The following ERC2 variants were observed in gnomAD, a reference collection of about 807,000 sequenced individuals.
ERC2 encodes ELKS/RAB6-interacting/CAST family member 2, also known as ERC protein 2.
ERC2 carries 42 observed loss-of-function variants against 114.8 expected under a neutral mutation model. The ratio of observed to expected loss-of-function variants is 0.37; its 90% CI spans 0.29 to 0.47. The LOEUF is 0.47. ERC2 is among the 20% of genes least tolerant of loss of function. The pLI, the probability that ERC2 is intolerant of heterozygous loss-of-function variation, is 0.99. For synonymous variants in ERC2, 454 were observed against 425.5 expected, an observed-to-expected ratio of 1.07 and a Z score of -0.82; for missense variants, 939 against 1,150.7, an observed-to-expected ratio of 0.82 and a Z score of 2.66.
chr3:55,521,601 A>G (rs2052941721), intron 17 of ERC2, among the ~76,000 whole-genome samples: 1 of 152,226 alleles, frequency 6.6e-6, no homozygotes, highest in African/African-American at 2.4e-5. Flanking sequence ...GACTGGCAAA[A>G]GAAGGGGGTA....
chr3:55,820,045 G>T (rs1224517069), intron 14 of ERC2, among the ~76,000 whole-genome samples: 2 of 152,332 alleles, frequency 1.3e-5, no homozygotes, highest in East Asian at 1.9e-4. Flanking sequence ...TCCTAAAGGG[G>T]TCTAGCAGAA....
rs1459398919 is a variant in ERC2, at chr3:56,216,305, G to C, written c.1075-42785C>G. ...AATAGATGCAATAAAAAATGATAAA[G>C]GGGATATCACCACCGATCCCACAGA... On this transcript the variant is annotated intron_variant, in intron 3 of 17. Coordinates refer to ENST00000288221, the MANE Select transcript of ERC2 (RefSeq NM_015576.3). 4.6e-5 allele frequency among the ~76,000 whole-genome samples: 7 copies of C among 152,224 alleles called. No individual in the cohort carries two copies. The South Asian group carries it at 1.2e-3, about 27-fold the overall frequency.
intron 6 of ERC2, among the ~76,000 whole-genome samples, chr3:56,084,617 A>C (rs1468290737): frequency 2.0e-5 from 3 of 152,066 alleles, no homozygotes; most frequent in African/African-American, 7.2e-5. Context: ...AAAACCAAAT[A>C]CTGCATGTTC....
chr3:55,779,073 A>G (rs867630626), intron 14 of ERC2, among the ~76,000 whole-genome samples: 7 of 138,662 alleles, frequency 5.0e-5, no homozygotes, highest in Non-Finnish European at 9.5e-5. Flanking sequence ...CCAGGAAATA[A>G]AAAAAAAATG....
At position 56,322,637 on chromosome 3, in the gene ERC2, C is replaced by T. The variant is rs141657893; in HGVS notation, c.658-26202G>A. ...GAACAGTGATTCCTGAGATGTAGAA[C>T]GAGGTGAGCATTATAACTGTCCCAG... On this transcript the variant is annotated intron_variant, in intron 2 of 17. Coordinates refer to ENST00000288221, the MANE Select transcript of ERC2 (RefSeq NM_015576.3). Among the ~76,000 whole-genome samples, 334 of 152,246 alleles carry T rather than the reference C, an allele frequency of 2.2e-3. 1 individual carries two copies. The highest frequency in any genetic ancestry group is 3.7e-3 in the Non-Finnish European group (249 of 68,010).
chr3:56,256,095 T>C (rs1451391842), intron 3 of ERC2, among the ~76,000 whole-genome samples: 1 of 152,202 alleles, frequency 6.6e-6, no homozygotes, highest in Non-Finnish European at 1.5e-5. Flanking sequence ...CAAACGTAAC[T>C]TGGTGTTCAG....
intron 13 of ERC2, among the ~76,000 whole-genome samples, chr3:55,898,974 T>C (rs1445074615): frequency 6.6e-6 from 1 of 152,218 alleles, no homozygotes; most frequent in African/African-American, 2.4e-5. Flanking sequence ...GCCCAATATG[T>C]ATGCCACTAA....
chr3:56,044,567 G>T (rs2075366619), intron 7 of ERC2, among the ~76,000 whole-genome samples: 1 of 151,960 alleles, frequency 6.6e-6, no homozygotes, highest in African/African-American at 2.4e-5. Flanking sequence ...GAAAATTGTA[G>T]CACTTCAGTA....
intron 12 of ERC2, among the ~76,000 whole-genome samples, chr3:55,965,313 T>C (rs76116330): frequency 0.033 from 5,036 of 152,314 alleles, 161 homozygotes; most frequent in Middle Eastern, 0.082. Context: ...CATGTGACTA[T>C]TGGACATTTA....
intron 14 of ERC2, among the ~76,000 whole-genome samples, chr3:55,862,784 C>T (rs1202553993): frequency 6.6e-6 from 1 of 152,196 alleles, no homozygotes. Flanking sequence ...AGCAGACCCA[C>T]CACATGCAGC....
chr3:55,700,837 C>T (rs1405267191), intron 15 of ERC2, among the ~76,000 whole-genome samples: 1 of 152,132 alleles, frequency 6.6e-6, no homozygotes, highest in Non-Finnish European at 1.5e-5. Context: ...TCTGCCTCTC[C>T]CTAGAATCTC....
intron 8 of ERC2, among the ~76,000 whole-genome samples, chr3:56,011,355 T>C (rs185749029): frequency 2.0e-4 from 31 of 152,210 alleles, no homozygotes; most frequent in Non-Finnish European, 2.9e-4. Context: ...CCAGTGCTCT[T>C]GGTGACGGTG....
At chr3:55,918,154 G>C (rs1424581683) in intron 13 of ERC2, among the ~76,000 whole-genome samples, 1 of 151,948 alleles carries the variant, frequency 6.6e-6, no homozygotes, top group Non-Finnish European at 1.5e-5. Flanking sequence ...AAATGGAAAA[G>C]GATAAGTTAC....
intron 4 of ERC2, among the ~76,000 whole-genome samples, chr3:56,172,746 T>A (rs1295150369): frequency 2.6e-5 from 4 of 152,238 alleles, no homozygotes; most frequent in African/African-American, 4.8e-5. Context: ...TTTAAATTTC[T>A]AGATACTAGC....
chr3:56,101,456 C>A (rs549054510), intron 6 of ERC2, among the ~76,000 whole-genome samples: 10 of 130,968 alleles, frequency 7.6e-5, no homozygotes, highest in South Asian at 2.4e-4. Context: ...AGTAACACAA[C>A]CTACTGCTCT....
At chr3:55,961,947 T>G (rs76309723) in intron 12 of ERC2, among the ~76,000 whole-genome samples, 17 of 151,338 alleles carry the variant, frequency 1.1e-4, no homozygotes, top group African/African-American at 4.1e-4. Flanking sequence ...TATCTTATCC[T>G]CCACCGCCAA....
intron 2 of ERC2, among the ~76,000 whole-genome samples, chr3:56,325,648 A>T (rs2057329253): frequency 1.3e-5 from 2 of 152,198 alleles, no homozygotes; most frequent in South Asian, 2.1e-4. Context: ...CAGATGCTGT[A>T]TGGATCTTGT....
Position 55,830,347 on chromosome 3 carries a change from G to A in ERC2, c.2564+58042C>T, listed in dbSNP as rs1292033329. On this transcript the variant is annotated intron_variant, in intron 14 of 17. Transcript: ENST00000288221. ...ATGTTAAAAAGTTGCTCAGACTAAAGAGAAATGCAGAAATTCAGAAACGAA... is the reference window on the plus strand; with the variant it reads ...ATGTTAAAAAGTTGCTCAGACTAAAAAGAAATGCAGAAATTCAGAAACGAA... 2.6e-5 allele frequency among the ~76,000 whole-genome samples: 4 copies of A among 152,140 alleles called. No homozygotes were observed. In the East Asian group the frequency reaches 7.7e-4, roughly 29 times the overall value.
At chr3:55,549,639 T>G (rs1299566037) in intron 17 of ERC2, among the ~76,000 whole-genome samples, 1 of 151,930 alleles carries the variant, frequency 6.6e-6, no homozygotes, top group Non-Finnish European at 1.5e-5. Flanking sequence ...TAAGAATGAT[T>G]GGGTCAAGGT....
Sources: allele counts gnomAD v4.1 joint callset (sites outside exome capture counted in the v4.1 genomes callset), GRCh38; gene constraint gnomAD v4.1.1; transcripts MANE v1.5; gene names NCBI Gene and HGNC (gene_info 2026-07-23, HGNC 2026-07-21).